WNT9B: variants seen among roughly 807,000 people sequenced by gnomAD.
The protein encoded by WNT9B is Wnt family member 9B, also known as protein Wnt-9b.
A neutral mutation model predicts 30.2 loss-of-function variants in WNT9B; 12 were observed. The ratio of observed to expected loss-of-function variants is 0.40; its 90% CI spans 0.26 to 0.64. The LOEUF is 0.64. Among genes scored for constraint, WNT9B ranks in the 30% least tolerant of loss-of-function variants. WNT9B has a pLI of 0.42. For synonymous variants in WNT9B, 218 were observed against 216.9 expected (o/e 1.01, Z -0.05); for missense variants, 442 against 485.2 (o/e 0.91, Z 0.84).
chr17:46,853,362 A>AC (rs1568120120), intron 1 of WNT9B, among the ~76,000 whole-genome samples: 2 of 84,452 alleles, frequency 2.4e-5, no homozygotes, highest in Non-Finnish European at 4.3e-5. Context: ...AATGCTAGTG[A>AC]CTTTTTTTTT....
chr17:46,872,293 A>G (rs894081043), intron 1 of WNT9B, among the ~76,000 whole-genome samples: 47 of 152,246 alleles, frequency 3.1e-4, no homozygotes, highest in Admixed American at 3.1e-3. Flanking sequence ...GGTGGATAAG[A>G]AGAGCAGAGA....
At chr17:46,860,867 T>A (rs1406140961) in intron 1 of WNT9B, among the ~76,000 whole-genome samples, 5 of 152,206 alleles carry the variant, frequency 3.3e-5, no homozygotes, top group African/African-American at 1.2e-4. Context: ...ACTTTTTTTT[T>A]ATTTTTAGAG....
chr17:46,878,275 A>G lies in WNT9B; in HGVS notation c.*1557A>G, dbSNP rs1179321960. ...CTAAACCTAGAGTTGCTGACCCTTC[A>G]CCAACACAGGAAATTTCAGAATCAG... On this transcript the variant is annotated 3_prime_UTR_variant, in exon 4 of 4. Coordinates refer to ENST00000290015, the MANE Select transcript of WNT9B (RefSeq NM_003396.3). Among the ~76,000 whole-genome samples, 2 of 152,130 alleles carry G rather than the reference A, an allele frequency of 1.3e-5. No individual in the cohort carries two copies. Among genetic ancestry groups the G allele is most frequent in the African/African-American group, 2.4e-5 (1 of 41,406 alleles).
chr17:46,880,847 G>A (rs751394028), downstream of WNT9B, among the ~76,000 whole-genome samples: 2 of 152,158 alleles, frequency 1.3e-5, no homozygotes, highest in Non-Finnish European at 2.9e-5. Flanking sequence ...ATTCAGACAG[G>A]CCAGAGCCTG....
chr17:46,883,341 A>T (rs182110894), downstream of WNT9B, among the ~76,000 whole-genome samples: 1 of 142,780 alleles, frequency 7.0e-6, no homozygotes, highest in Non-Finnish European at 1.5e-5. Flanking sequence ...CTGGAGTGCA[A>T]TGGCGCAATC....
rs2085357063 is a variant in WNT9B at position 46,876,988 on chromosome 17, A to T, written c.*270A>T. ...GAGAGGAGGGCAGAGTGAGAAAGAC[A>T]TGGAGGGAAATAAGGGAGACCAAGA... On this transcript the variant is annotated 3_prime_UTR_variant, in exon 4 of 4. Coordinates refer to ENST00000290015, the MANE Select transcript of WNT9B (RefSeq NM_003396.3). The T allele has an allele frequency of 2.4e-6, 3 of 1,274,048 alleles. No homozygotes were observed. The highest frequency in any genetic ancestry group is 3.0e-6 in the Non-Finnish European group (3 of 1,012,316). The allele number at this position is 1,274,048 out of a possible 1,614,324, so 78.9% of individuals were successfully genotyped here.
intron 1 of WNT9B, among the ~76,000 whole-genome samples, chr17:46,843,194 G>A (rs972869028): frequency 6.6e-6 from 1 of 152,206 alleles, no homozygotes; most frequent in Non-Finnish European, 1.5e-5. Flanking sequence ...TGATATTTCA[G>A]AATCAACAAC....
At position 46,875,207 on chromosome 17, in the gene WNT9B, CTCT is replaced by C. The variant is rs1568131281; in HGVS notation, c.442_444del (p.Ser148del). 6.2e-7 allele frequency: 1 copy of C among 1,614,156 alleles called. No individual in the cohort carries two copies. The highest frequency in any genetic ancestry group is 8.5e-7 in the Non-Finnish European group (1 of 1,180,046). ...GCATGGAGCGCTGCACCTGTGATGACTCTCCGGGGCTGGAGAGCCGGCAGGCCT... is the reference window on the plus strand; with the variant it reads ...GCATGGAGCGCTGCACCTGTGATGACCCGGGGCTGGAGAGCCGGCAGGCCT... On this transcript the variant is annotated inframe_deletion, in exon 3 of 4. Coordinates refer to ENST00000290015, the MANE Select transcript of WNT9B (RefSeq NM_003396.3).
intron 1 of WNT9B, among the ~76,000 whole-genome samples, chr17:46,856,391 A>G (rs1379352818): frequency 6.6e-6 from 1 of 152,190 alleles, no homozygotes; most frequent in Non-Finnish European, 1.5e-5. Context: ...CAGGTGGTGG[A>G]AGTGTCATTA....
chr17:46,872,879 G>T, intron 2 of WNT9B, 106 bp downstream of exon 2: 3 of 1,340,530 alleles, frequency 2.2e-6, no homozygotes, highest in Non-Finnish European at 3.0e-6. Flanking sequence ...CCGTGCCCAG[G>T]CCACACTGCC....
chr17:46,871,164 T>C (rs1421215157), intron 1 of WNT9B, among the ~76,000 whole-genome samples: 1 of 152,010 alleles, frequency 6.6e-6, no homozygotes, highest in African/African-American at 2.4e-5. Context: ...CTGCTCAGCC[T>C]CCCAAAGTGT....
chr17:46,876,625 G>A lies in WNT9B; in HGVS notation c.981G>A (p.Val327=). 1 of 1,610,912 alleles carries A rather than the reference G, an allele frequency of 6.2e-7. No homozygotes were observed. The highest frequency in any genetic ancestry group is 8.5e-7 in the Non-Finnish European group (1 of 1,178,012). Residue 327 remains valine, a synonymous_variant, in exon 4 of 4, where the codon GTG becomes GTA. Transcript: ENST00000290015. ...GCTATGACACCCAGAGCCGCCTGGT[G>A]GCCTTCTCCTGCCACTGCCAGGTGC... ...GRGYDTQSRL[V]AFSCHCQVQW...
intron 1 of WNT9B, among the ~76,000 whole-genome samples, chr17:46,856,759 T>C (rs1442830537): frequency 4.0e-5 from 6 of 151,760 alleles, no homozygotes. Flanking sequence ...GCTAGAATTA[T>C]GGGCGTGCAC....
chr17:46,882,394 A>G (rs370928059), downstream of WNT9B, among the ~76,000 whole-genome samples: 4 of 152,184 alleles, frequency 2.6e-5, no homozygotes, highest in Non-Finnish European at 5.9e-5. Context: ...CAGGTTAAAC[A>G]TTTTGGCAAT....
At position 46,867,974 on chromosome 17, in the gene WNT9B, C is replaced by G. The variant is rs75644634; in HGVS notation, c.78-4543C>G. On this transcript the variant is annotated intron_variant, in intron 1 of 3. Transcript: ENST00000290015. Reference sequence around the variant, plus strand: ...GGTGCAGAGAACAGAAGGGCACAGACTGGGGGCAGCAAGGGGAGGAGGCGG... The same window carrying G: ...GGTGCAGAGAACAGAAGGGCACAGAGTGGGGGCAGCAAGGGGAGGAGGCGG... Among the ~76,000 whole-genome samples the G allele has an allele frequency of 2.7e-3, 417 of 152,172 alleles. 3 individuals are homozygous for G. The highest frequency in any genetic ancestry group is 9.7e-3 in the African/African-American group (404 of 41,526).
chr17:46,885,349 C>T, downstream of WNT9B: 1 of 225,226 alleles, frequency 4.4e-6, no homozygotes, highest in South Asian at 5.0e-5. Flanking sequence ...GTCACCCAGG[C>T]TGGAGTGCAC....
At position 46,878,978 on chromosome 17, in the gene WNT9B, C is replaced by T. The variant is rs2085387559; in HGVS notation, c.*2260C>T. 1.3e-5 allele frequency among the ~76,000 whole-genome samples: 2 copies of T among 152,166 alleles called. No homozygotes were observed. The highest frequency in any genetic ancestry group is 6.5e-5 in the Admixed American group (1 of 15,274). ...CTCATCCCTTTCTTTTCCAGTTACCCCTGAAGACCCACCTCGGCCCTCTTG... is the reference window on the plus strand; with the variant it reads ...CTCATCCCTTTCTTTTCCAGTTACCTCTGAAGACCCACCTCGGCCCTCTTG... On this transcript the variant is annotated 3_prime_UTR_variant, in exon 4 of 4. Transcript: ENST00000290015.
At chr17:46,864,194 T>C (rs1351906186) in intron 1 of WNT9B, among the ~76,000 whole-genome samples, 1 of 152,152 alleles carries the variant, frequency 6.6e-6, no homozygotes, top group East Asian at 1.9e-4. Flanking sequence ...CAATGCGTCA[T>C]GGTTAAATAA....
In WNT9B at chr17:46,876,794, T is replaced by C. The variant is rs2085353955; in HGVS notation, c.*76T>C. 4 of 1,460,730 alleles carry C rather than the reference T, an allele frequency of 2.7e-6. No homozygotes were observed. The South Asian group carries it at 5.7e-5, about 21-fold the overall frequency. 90.5% of individuals were successfully genotyped at this position (1,460,730 alleles called of 1,614,324 possible). On this transcript the variant is annotated 3_prime_UTR_variant, in exon 4 of 4. Transcript: ENST00000290015. Reference sequence around the variant, plus strand: ...CCTTCAAGCTGCCCAGCCGGCCCTCTGGGCAGACTGTCATCACATGCATGC... The same window carrying C: ...CCTTCAAGCTGCCCAGCCGGCCCTCCGGGCAGACTGTCATCACATGCATGC...
Sources: gnomAD v4.1 joint callset for allele counts (sites outside exome capture counted in the v4.1 genomes callset) on GRCh38, gnomAD v4.1.1 for gene constraint, MANE v1.5 for transcripts, NCBI Gene and HGNC (gene_info 2026-07-23, HGNC 2026-07-21) for gene names.